Variants in JAM3 observed in about 807,000 individuals in gnomAD.
The protein encoded by JAM3 is junctional adhesion molecule C.
Under a neutral mutation model 39.4 loss-of-function variants are expected in JAM3, and 31 were observed. The ratio of observed to expected loss-of-function variants is 0.79; its 90% confidence interval spans 0.59 to 1.06. The LOEUF is 1.06. JAM3 is among the 50% of genes least tolerant of loss of function. The probability of loss-of-function intolerance (pLI) is 0.00; values close to 1 mark genes in which losing one functional copy is unlikely to be tolerated. For synonymous variants in JAM3, 182 were observed against 148.7 expected (o/e 1.22, Z -1.63); for missense variants, 455 against 391.4 (o/e 1.16, Z -1.37).
intron 1 of JAM3, among the ~76,000 whole-genome samples, chr11:134,125,929 T>G (rs914003020): frequency 2.6e-5 from 4 of 152,218 alleles, no homozygotes; most frequent in African/African-American, 9.6e-5. Flanking sequence ...AATAGTCAAC[T>G]GATCTACAGG....
intron 1 of JAM3, among the ~76,000 whole-genome samples, chr11:134,108,700 A>G (rs1283235603): frequency 6.6e-6 from 1 of 152,218 alleles, no homozygotes; most frequent in Non-Finnish European, 1.5e-5. Context: ...ACCATATTAC[A>G]TTCTCAACAG....
intron 5 of JAM3, 194 bp downstream of exon 5, chr11:134,145,188 T>C: frequency 1.6e-6 from 1 of 625,250 alleles, no homozygotes; most frequent in Admixed American, 2.7e-5. Flanking sequence ...GGGGGTAAAA[T>C]AAGGAAGAGA....
chr11:134,145,875 C>G, intron 5 of JAM3, 71 bp from the exon 6 acceptor site: 1 of 1,002,992 alleles, frequency 1.0e-6, no homozygotes, highest in Non-Finnish European at 1.6e-6. Flanking sequence ...AGTTCTGGAC[C>G]CAGCTGGCTG....
chr11:134,093,008 C>A (rs1295074903), intron 1 of JAM3, among the ~76,000 whole-genome samples: 4 of 146,346 alleles, frequency 2.7e-5, no homozygotes, highest in East Asian at 4.3e-4. Context: ...TTCCACCTTA[C>A]ATGTCACTTC....
At chr11:134,101,053 A>G (rs909005909) in intron 1 of JAM3, among the ~76,000 whole-genome samples, 1 of 152,146 alleles carries the variant, frequency 6.6e-6, no homozygotes. Flanking sequence ...GCTCCTTGTA[A>G]CTCAGGAAGA....
intron 1 of JAM3, among the ~76,000 whole-genome samples, chr11:134,128,408 A>G (rs995414506): frequency 6.6e-6 from 1 of 152,244 alleles, no homozygotes; most frequent in Non-Finnish European, 1.5e-5. Context: ...TCAAAAATTT[A>G]GAATTTCTGT....
chr11:134,148,484 C>T, intron 6 of JAM3, 63 bp from the exon 7 acceptor site: 4 of 1,611,436 alleles, frequency 2.5e-6, no homozygotes, highest in Non-Finnish European at 3.4e-6. Flanking sequence ...ACAGCAGGGC[C>T]AGGGCCTTTT....
chr11:134,094,320 C>A (rs1941934755), intron 1 of JAM3, among the ~76,000 whole-genome samples: 1 of 143,986 alleles, frequency 6.9e-6, no homozygotes. Context: ...CATCATGTTC[C>A]ACCTTACATC....
chr11:134,096,664 C>T (rs938024400), intron 1 of JAM3, among the ~76,000 whole-genome samples: 26 of 152,294 alleles, frequency 1.7e-4, no homozygotes, highest in Middle Eastern at 3.4e-3. Flanking sequence ...TGCATTTTCC[C>T]TTCCTGCAAG....
chr11:134,125,673 C>T (rs1369547489), intron 1 of JAM3, among the ~76,000 whole-genome samples: 1 of 152,158 alleles, frequency 6.6e-6, no homozygotes, highest in Non-Finnish European at 1.5e-5. Context: ...TGAGAACGTG[C>T]TGTGAGACGC....
intron 1 of JAM3, among the ~76,000 whole-genome samples, chr11:134,131,908 AAAGG>A (rs982866472): frequency 4.0e-5 from 6 of 151,348 alleles, no homozygotes; most frequent in African/African-American, 7.3e-5. Context: ...GCAAAAAGAA[AAAGG>A]AAGGAAGAAA....
intron 1 of JAM3, among the ~76,000 whole-genome samples, chr11:134,116,431 G>A (rs537453797): frequency 2.6e-5 from 4 of 152,216 alleles, no homozygotes; most frequent in African/African-American, 9.6e-5. Flanking sequence ...ATGCATATTA[G>A]TGTGGATTTA....
Position 134,151,039 on chromosome 11 carries a change from C to T in JAM3, c.*1858C>T, listed in dbSNP as rs1395067474. ...CTTCAAGAGCAGGTGTTCTCAGCCTCACATGCCCTGCCGTGCTGGACTCAG... is the reference window on the plus strand; with the variant it reads ...CTTCAAGAGCAGGTGTTCTCAGCCTTACATGCCCTGCCGTGCTGGACTCAG... On this transcript the variant is annotated 3_prime_UTR_variant, in exon 9 of 9. Transcript: ENST00000299106. The T allele has an allele frequency of 6.6e-6, 1 of 152,292 alleles. No individual in the cohort carries two copies. Among genetic ancestry groups the T allele is most frequent in the East Asian group, 1.9e-4 (1 of 5,204 alleles). The allele number at this position is 152,292 out of a possible 1,614,324, so 9.4% of individuals were successfully genotyped here.
intron 1 of JAM3, among the ~76,000 whole-genome samples, chr11:134,116,171 T>C (rs1382208286): frequency 6.6e-6 from 1 of 152,214 alleles, no homozygotes; most frequent in Admixed American, 6.5e-5. Flanking sequence ...TTTGTGGATG[T>C]ATGCTAAAAT....
intron 1 of JAM3, among the ~76,000 whole-genome samples, chr11:134,103,418 G>T (rs866464518): frequency 6.6e-6 from 1 of 152,176 alleles, no homozygotes; most frequent in Non-Finnish European, 1.5e-5. Context: ...ATGCCAAATT[G>T]TAAAGACCAT....
In JAM3 at chr11:134,148,955, AACAC is replaced by A. The variant is rs368934602; in HGVS notation, c.898-154_898-151del. The A allele has an allele frequency of 0.13, 89,513 of 682,848 alleles. 1,174 individuals are homozygous for A. The highest frequency in any genetic ancestry group is 0.2 in the East Asian group (6,645 of 33,456). 42.3% of individuals were successfully genotyped at this position (682,848 alleles called of 1,614,324 possible). On this transcript the variant is annotated intron_variant, in intron 8 of 8. Transcript: ENST00000299106. ...CTGAGCTCCTCAGCCCCTTCACAGT[AACAC>A]ACACACACACACACACACACACACA...
chr11:134,119,433 C>A (rs1343232908), intron 1 of JAM3, among the ~76,000 whole-genome samples: 1 of 152,160 alleles, frequency 6.6e-6, no homozygotes, highest in Non-Finnish European at 1.5e-5. Context: ...TAAGATTTTT[C>A]TTTTAAGAAG....
At chr11:134,076,253 C>T (rs1261069309) in intron 1 of JAM3, among the ~76,000 whole-genome samples, 1 of 149,144 alleles carries the variant, frequency 6.7e-6, no homozygotes. Context: ...CTCCCGGGGT[C>T]AAGCAATTCT....
At chr11:134,093,770 T>C (rs1289595465) in intron 1 of JAM3, among the ~76,000 whole-genome samples, 1 of 76,194 alleles carries the variant, frequency 1.3e-5, no homozygotes, top group African/African-American at 5.2e-5. Flanking sequence ...ACACGTCACT[T>C]CCTGAGGGAA....
Sources: allele counts gnomAD v4.1 joint callset (sites outside exome capture counted in the v4.1 genomes callset), GRCh38; gene constraint gnomAD v4.1.1; transcripts MANE v1.5; gene names NCBI Gene and HGNC (gene_info 2026-07-23, HGNC 2026-07-21).